Variants in SLC5A11 observed in about 807,000 individuals in gnomAD.
SLC5A11 encodes sodium/myo-inositol cotransporter 2.
In SLC5A11, 48 loss-of-function variants were observed where a neutral mutation model predicts 69.8. That is an observed-to-expected ratio of 0.69 (90% CI 0.55 to 0.87). The LOEUF is 0.87. Ranked by LOEUF, SLC5A11 falls within the 40% of genes least tolerant of loss-of-function variation. The pLI is 0.00. For missense variants in SLC5A11, 784 were observed against 866.1 expected, an observed-to-expected ratio of 0.91 and a Z score of 1.19; for synonymous variants, 319 against 342.4, an observed-to-expected ratio of 0.93 and a Z score of 0.75.
intron 3 of SLC5A11, among the ~76,000 whole-genome samples, chr16:24,864,534 G>A (rs897661762): frequency 7.9e-5 from 12 of 152,186 alleles, no homozygotes; most frequent in African/African-American, 2.9e-4. Flanking sequence ...CAGATTTCTA[G>A]AGTTACCAGT....
chr16:24,848,712 T>C (rs1035745335), intron 1 of SLC5A11, among the ~76,000 whole-genome samples: 2 of 152,110 alleles, frequency 1.3e-5, no homozygotes, highest in African/African-American at 2.4e-5. Context: ...TTCGAGAGTT[T>C]GAGGCCACAG....
At chr16:24,891,050 C>T in exon 9 of SLC5A11, 1 of 1,614,086 alleles carries the variant, frequency 6.2e-7, no homozygotes, top group East Asian at 2.2e-5. Context: ...CCATCCCATC[C>T]CTCTGGTACT....
At chr16:24,901,962 A>ACG (rs1445975305) in intron 10 of SLC5A11, among the ~76,000 whole-genome samples, 1 of 125,614 alleles carries the variant, frequency 8.0e-6, no homozygotes, top group African/African-American at 3.1e-5. Flanking sequence ...ACACACGCAC[A>ACG]CACACACACA....
intron 9 of SLC5A11, among the ~76,000 whole-genome samples, chr16:24,891,687 G>T (rs2048819965): frequency 6.6e-6 from 1 of 151,902 alleles, no homozygotes; most frequent in East Asian, 1.9e-4. Context: ...CTTTTAAATG[G>T]GGGTAAAACT....
chr16:24,855,829 A>T (rs1183616470), intron 1 of SLC5A11, among the ~76,000 whole-genome samples: 1 of 152,158 alleles, frequency 6.6e-6, no homozygotes, highest in Non-Finnish European at 1.5e-5. Flanking sequence ...TCGATCTTGG[A>T]CTTTCTCCAG....
chr16:24,882,698 T>A (rs1212853104), intron 7 of SLC5A11, among the ~76,000 whole-genome samples: 1 of 152,240 alleles, frequency 6.6e-6, no homozygotes, highest in African/African-American at 2.4e-5. Context: ...CAGGCTGGCG[T>A]GCAGTGGCAC....
Position 24,898,307 on chromosome 16 carries a change from G to C in SLC5A11, c.1006+198G>C, listed in dbSNP as rs925406638. On this transcript the variant is annotated intron_variant, in intron 10 of 15. Coordinates refer to ENST00000347898, the Ensembl canonical transcript of SLC5A11. The stretch of plus-strand genomic sequence containing the variant: ...GCTCACTGTAACCTTGAACTACTGG[G>C]CTTGAGCAATCCTCCCACCTCAGCC... 2.6e-5 allele frequency among the ~76,000 whole-genome samples: 4 copies of C among 152,140 alleles called. No homozygotes were observed. In the East Asian group the frequency reaches 7.7e-4, roughly 29 times the overall value.
intron 1 of SLC5A11, among the ~76,000 whole-genome samples, chr16:24,857,576 TGCACTCCTTGGCTTGTA>T (rs1417638311): frequency 1.3e-5 from 2 of 152,224 alleles, no homozygotes; most frequent in East Asian, 3.8e-4. Flanking sequence ...AGAAGCCACC[TGCACTCCTTGGCTTGTA>T]GCTCCATTAC....
chr16:24,907,941 T>A, intron 12 of SLC5A11, 22 bp from the exon 14 acceptor site: 1 of 1,613,208 alleles, frequency 6.2e-7, no homozygotes, highest in Non-Finnish European at 8.5e-7. Flanking sequence ...TGCTAATTTG[T>A]GCCTCTCGCC....
In SLC5A11 at chr16:24,858,930, T is replaced by G. The variant is rs527305242; in HGVS notation, c.135+152T>G. 320 of 972,410 alleles carry G rather than the reference T, an allele frequency of 3.3e-4. No individual in the cohort carries two copies. In the African/African-American group the frequency reaches 4.6e-3, roughly 14 times the overall value. 60.2% of individuals were successfully genotyped at this position (972,410 alleles called of 1,614,324 possible). On this transcript the variant is annotated intron_variant, in intron 2 of 15. Coordinates refer to ENST00000347898, the Ensembl canonical transcript of SLC5A11. ...ATAGAGTAATCAGAACTTAAAAATT[T>G]TAAACATGCATTGGGTGTGGACTAT...
Position 24,895,576 on chromosome 16 carries a change from G to A in SLC5A11, c.871-2398G>A, listed in dbSNP as rs1395953032. 2.8e-5 allele frequency among the ~76,000 whole-genome samples: 4 copies of A among 142,994 alleles called. No individual in the cohort carries two copies. The Admixed American group carries it at 2.9e-4, about 10-fold the overall frequency. 93.8% of individuals were successfully genotyped at this position (142,994 alleles called of 152,430 possible). A position where few individuals can be genotyped will look rare whatever the true frequency, so the allele number is the denominator to read the frequency against. ...AGAGGACAGGAGAGGGGAGGGGAAGGGAGGGAAGGGAAAAGGAGGGGAGGG... is the reference window on the plus strand; with the variant it reads ...AGAGGACAGGAGAGGGGAGGGGAAGAGAGGGAAGGGAAAAGGAGGGGAGGG... On this transcript the variant is annotated intron_variant, in intron 9 of 15. Coordinates refer to ENST00000347898, the Ensembl canonical transcript of SLC5A11.
At chr16:24,890,934 C>T (rs147985837) in exon 9 of SLC5A11, 9 of 1,614,020 alleles carry the variant, frequency 5.6e-6, no homozygotes, top group African/African-American at 4.0e-5. Flanking sequence ...GGCTAGCAAC[C>T]GGAGTGAGAA....
intron 9 of SLC5A11, among the ~76,000 whole-genome samples, chr16:24,897,667 G>A (rs1162380367): frequency 6.6e-6 from 1 of 152,164 alleles, no homozygotes. Flanking sequence ...GGCTGGGGAG[G>A]CCTCACAATC....
intron 3 of SLC5A11, among the ~76,000 whole-genome samples, chr16:24,868,596 C>CAAAAA (rs71156448): frequency 6.5e-5 from 8 of 123,942 alleles, no homozygotes; most frequent in African/African-American, 2.5e-4. Flanking sequence ...GACTCCGCCT[C>CAAAAA]AAAAAAAAAA....
chr16:24,906,085 G>C (rs1184429919), intron 10 of SLC5A11, among the ~76,000 whole-genome samples: 2 of 152,154 alleles, frequency 1.3e-5, no homozygotes, highest in Non-Finnish European at 2.9e-5. Flanking sequence ...GTGAGCAGAT[G>C]TTACTGAACA....
At chr16:24,850,422 C>A (rs1297093199) in intron 1 of SLC5A11, among the ~76,000 whole-genome samples, 1 of 152,246 alleles carries the variant, frequency 6.6e-6, no homozygotes, top group Non-Finnish European at 1.5e-5. Context: ...TGTAGGGCTG[C>A]CTCCACTAGG....
chr16:24,883,630 G>A (rs1249845769), intron 7 of SLC5A11, among the ~76,000 whole-genome samples: 1 of 152,220 alleles, frequency 6.6e-6, no homozygotes. Context: ...TCACTCACAT[G>A]GCTGGTGTTA....
intron 7 of SLC5A11, among the ~76,000 whole-genome samples, chr16:24,878,928 G>A (rs374046989): frequency 3.9e-5 from 6 of 152,060 alleles, no homozygotes; most frequent in Admixed American, 1.3e-4. Flanking sequence ...CCAGCTACTC[G>A]GGAGGCTGAG....
At chr16:24,868,339 C>G (rs1390657487) in intron 3 of SLC5A11, among the ~76,000 whole-genome samples, 6 of 151,006 alleles carry the variant, frequency 4.0e-5, no homozygotes, top group Non-Finnish European at 1.5e-5. Context: ...GCCTGTAATC[C>G]CAGCACTTTG....
Sources: gnomAD v4.1 joint callset for allele counts (sites outside exome capture counted in the v4.1 genomes callset) on GRCh38, gnomAD v4.1.1 for gene constraint, MANE v1.5 for transcripts, NCBI Gene and HGNC (gene_info 2026-07-23, HGNC 2026-07-21) for gene names.